Variants in ATP10B observed in about 807,000 individuals in gnomAD.
ATP10B encodes the protein ATPase phospholipid transporting 10B (putative), also known as phospholipid-transporting ATPase VB.
Under a neutral mutation model 141.2 loss-of-function variants are expected in ATP10B, and 122 were observed. That is an observed-to-expected ratio of 0.86 (90% CI 0.75 to 1.00). ATP10B has a LOEUF of 1.00. Ranked by LOEUF, ATP10B falls within the 50% of genes least tolerant of loss-of-function variation. The pLI is 0.00. For missense variants in ATP10B, 1,876 were observed against 1,825.3 expected (o/e 1.03, Z -0.51); for synonymous variants, 685 against 692.0 (o/e 0.99, Z 0.16).
the ATP10B span, among the ~76,000 whole-genome samples, chr5:160,892,569 A>G: frequency 3.3e-5 from 5 of 152,234 alleles, no homozygotes; most frequent in Non-Finnish European, 7.3e-5. Flanking sequence ...AACTACATTA[A>G]GCACAAAAAC....
At chr5:160,606,742 C>A in intron 19 of ATP10B, 23 bp downstream of exon 19, 4 of 1,599,374 alleles carry the variant, frequency 2.5e-6, no homozygotes, top group South Asian at 1.1e-5. Flanking sequence ...AAAGTGCCAC[C>A]CGCATCTCAG....
Position 160,617,978 on chromosome 5 carries a change from CA to C in ATP10B, c.2417-6del. 6.2e-7 allele frequency: 1 copy of C among 1,611,722 alleles called. No homozygotes were observed. Among genetic ancestry groups the C allele is most frequent in the Non-Finnish European group, 8.5e-7 (1 of 1,177,876 alleles). ...TTTCCATATTAATGTCAGGTACTGT[CA>C]AATAGCCATTTTCCCGCATGAGGCC... On this transcript the variant is annotated splice_region_variant and splice_polypyrimidine_tract_variant and intron_variant, in intron 15 of 25. Transcript: ENST00000327245.
chr5:160,912,656 AAAAAGAGAAG>A, the ATP10B span, among the ~76,000 whole-genome samples: 1 of 151,856 alleles, frequency 6.6e-6, no homozygotes, highest in Non-Finnish European at 1.5e-5. Flanking sequence ...AGAAGAGAGA[AAAAAGAGAAG>A]AAAAGAGGAA....
At chr5:160,680,725 C>T (rs181320655) in intron 6 of ATP10B, among the ~76,000 whole-genome samples, 46 of 152,294 alleles carry the variant, frequency 3.0e-4, no homozygotes, top group Admixed American at 9.8e-4. Context: ...GGGAAGCTGA[C>T]TTCATGCTGG....
chr5:160,697,319 G>A (rs1389427508), intron 3 of ATP10B, among the ~76,000 whole-genome samples: 1 of 152,172 alleles, frequency 6.6e-6, no homozygotes, highest in Non-Finnish European at 1.5e-5. Context: ...TCTTAGCGGA[G>A]ACCTTATTCT....
chr5:160,844,667 T>C (rs112751168), intron 1 of ATP10B, among the ~76,000 whole-genome samples: 2 of 151,986 alleles, frequency 1.3e-5, no homozygotes, highest in Non-Finnish European at 2.9e-5. Context: ...TGCCTCAGCA[T>C]CCTGAGTAGT....
intron 2 of ATP10B, among the ~76,000 whole-genome samples, chr5:160,742,711 C>T (rs1002181580): frequency 2.6e-5 from 4 of 152,168 alleles, no homozygotes; most frequent in African/African-American, 7.2e-5. Flanking sequence ...TATGTAGGTG[C>T]ACAAGGAAAG....
chr5:160,650,552 T>G (rs184705989), intron 7 of ATP10B, among the ~76,000 whole-genome samples: 31 of 152,264 alleles, frequency 2.0e-4, no homozygotes, highest in East Asian at 1.4e-3. Flanking sequence ...TAATGGTGTC[T>G]AAAGGAACTC....
chr5:160,727,183 G>A (rs1292622704), intron 2 of ATP10B, among the ~76,000 whole-genome samples: 1 of 152,116 alleles, frequency 6.6e-6, no homozygotes, highest in Non-Finnish European at 1.5e-5. Context: ...TGAGTTTACG[G>A]TACCTGCTAC....
the ATP10B span, among the ~76,000 whole-genome samples, chr5:160,868,442 A>G: frequency 6.6e-6 from 1 of 150,970 alleles, no homozygotes; most frequent in East Asian, 2.0e-4. Context: ...CACTGTTATG[A>G]AGTTTGTGAT....
In ATP10B at chr5:160,604,061, G is replaced by T; in HGVS notation, c.3161-20C>A. ...CATCACCTGAAAGAGAGGTCATAACGTGTCTTTATTTTTGGTCCAACTGCT... is the reference window on the plus strand; with the variant it reads ...CATCACCTGAAAGAGAGGTCATAACTTGTCTTTATTTTTGGTCCAACTGCT... On this transcript the variant is annotated intron_variant, in intron 19 of 25. Transcript: ENST00000327245. 6.2e-7 allele frequency: 1 copy of T among 1,606,194 alleles called. No homozygotes were observed. Among genetic ancestry groups the T allele is most frequent in the Non-Finnish European group, 8.5e-7 (1 of 1,173,234 alleles).
chr5:160,726,035 G>C (rs1766329351), intron 2 of ATP10B, among the ~76,000 whole-genome samples: 1 of 152,116 alleles, frequency 6.6e-6, no homozygotes, highest in Non-Finnish European at 1.5e-5. Context: ...GAGAGTCTGG[G>C]GAAGGTGTGC....
chr5:160,822,611 A>G lies in ATP10B; in HGVS notation c.-576+29330T>C, dbSNP rs115080684. On this transcript the variant is annotated intron_variant, in intron 1 of 25. Coordinates refer to ENST00000327245, the MANE Select transcript of ATP10B (RefSeq NM_025153.3). ...AATAGGTAAGATTGGGAAGCCACCT[A>G]AGTATCTAGCAACAGGTGAATGGAT... is the stretch of plus-strand genomic sequence containing the variant. Among the ~76,000 whole-genome samples, 757 of 152,260 alleles carry G rather than the reference A, an allele frequency of 5.0e-3. 8 individuals carry two copies. Among genetic ancestry groups the G allele is most frequent in the African/African-American group, 0.017 (717 of 41,546 alleles).
At chr5:160,822,874 A>G (rs1422293538) in intron 1 of ATP10B, among the ~76,000 whole-genome samples, 2 of 150,944 alleles carry the variant, frequency 1.3e-5, no homozygotes, top group African/African-American at 4.9e-5. Flanking sequence ...GAAGGGTAGT[A>G]CAGGGTAGTT....
the ATP10B span, among the ~76,000 whole-genome samples, chr5:160,861,689 A>G: frequency 6.6e-6 from 1 of 151,896 alleles, no homozygotes; most frequent in Non-Finnish European, 1.5e-5. Context: ...TATTGATAAG[A>G]AAAAAGGTAA....
intron 3 of ATP10B, among the ~76,000 whole-genome samples, chr5:160,703,563 G>C (rs1163168911): frequency 1.3e-5 from 2 of 151,590 alleles, no homozygotes; most frequent in Non-Finnish European, 2.9e-5. Context: ...TGCAACCTCT[G>C]CCTCCTGGAT....
chr5:160,889,205 C>T, the ATP10B span, among the ~76,000 whole-genome samples: 19 of 152,328 alleles, frequency 1.2e-4, no homozygotes, highest in African/African-American at 4.1e-4. Flanking sequence ...CAGCCAACCC[C>T]GCAGCCTTCC....
intron 13 of ATP10B, among the ~76,000 whole-genome samples, chr5:160,631,199 G>A (rs1253330748): frequency 6.6e-6 from 1 of 152,208 alleles, no homozygotes; most frequent in Non-Finnish European, 1.5e-5. Context: ...GATTGCTGGG[G>A]CTCCCTGTGG....
Position 160,620,588 on chromosome 5 carries a change from G to A in ATP10B, c.2175C>T (p.Ala725=), listed in dbSNP as rs184286106. ...AGGCATGGGCAGCGTGCACCAGGGC[G>A]GCCTCATCAGGGCTCTCAGCCTCGT... ...FCYEAESPDE[A]ALVHAAHAYS... The change falls in exon 15 of 26, where the codon GCC becomes GCT. Residue 725 remains alanine, a synonymous_variant. Coordinates refer to ENST00000327245, the MANE Select transcript of ATP10B (RefSeq NM_025153.3). 232 of 1,613,832 alleles carry A rather than the reference G, an allele frequency of 1.4e-4. No individual in the cohort carries two copies. In the African/African-American group the frequency reaches 1.6e-3, roughly 11 times the overall value.
Sources: gnomAD v4.1 joint callset for allele counts (sites outside exome capture counted in the v4.1 genomes callset) on GRCh38, gnomAD v4.1.1 for gene constraint, MANE v1.5 for transcripts, NCBI Gene and HGNC (gene_info 2026-07-23, HGNC 2026-07-21) for gene names.